STK40: variants seen among roughly 807,000 people sequenced by gnomAD.
STK40 encodes the protein serine/threonine-protein kinase 40.
In STK40, 13 loss-of-function variants were observed where a neutral mutation model predicts 47.9. The ratio of observed to expected loss-of-function variants is 0.27; its 90% CI spans 0.18 to 0.43. STK40 has a LOEUF of 0.43. Among genes scored for constraint, STK40 ranks in the 20% least tolerant of loss-of-function variants. STK40 has a pLI of 1.00. For synonymous variants in STK40, 225 were observed against 243.2 expected, an observed-to-expected ratio of 0.93 and a Z score of 0.69; for missense variants, 460 against 595.1, an observed-to-expected ratio of 0.77 and a Z score of 2.36.
chr1:36,347,563 G>T (rs530061431), intron 7 of STK40, among the ~76,000 whole-genome samples: 2 of 152,266 alleles, frequency 1.3e-5, no homozygotes, highest in East Asian at 1.9e-4. Flanking sequence ...GGGTAGCTGT[G>T]TGGTTTAAAC....
chr1:36,356,326 A>G (rs551775749), intron 4 of STK40, among the ~76,000 whole-genome samples: 1 of 152,094 alleles, frequency 6.6e-6, no homozygotes, highest in Admixed American at 6.5e-5. Flanking sequence ...TCATCTGACC[A>G]GCTTGAGGAA....
chr1:36,371,280 C>T (rs575199781), intron 1 of STK40, among the ~76,000 whole-genome samples: 5 of 151,194 alleles, frequency 3.3e-5, no homozygotes, highest in East Asian at 3.9e-4. Context: ...AAGGGCCGGG[C>T]GTGGTGGCTC....
intron 2 of STK40, 73 bp from the exon 3 acceptor site, chr1:36,358,895 T>A: frequency 6.4e-7 from 1 of 1,550,486 alleles, no homozygotes; most frequent in Non-Finnish European, 8.9e-7. Flanking sequence ...CCACGTGGTC[T>A]TTTACTAGAC....
chr1:36,371,723 C>T lies in STK40; in HGVS notation c.-8-10383G>A, dbSNP rs192091808. ...AAAAAAAAAAAAAAAGGACTGCGTG[C>T]GGTGGCTCAAACCTGTAATCCCAGC... On this transcript the variant is annotated intron_variant, in intron 1 of 10. Transcript: ENST00000373132. Among the ~76,000 whole-genome samples the T allele has an allele frequency of 1.1e-4, 14 of 130,606 alleles. No individual in the cohort carries two copies. The East Asian group carries it at 2.3e-3, about 22-fold the overall frequency. 85.7% of individuals were successfully genotyped at this position (130,606 alleles called of 152,430 possible).
intron 4 of STK40, among the ~76,000 whole-genome samples, chr1:36,356,778 C>T (rs565483826): frequency 2.0e-5 from 3 of 152,262 alleles, no homozygotes; most frequent in Non-Finnish European, 2.9e-5. Flanking sequence ...TTTCCTAGCA[C>T]AGTGTCTGGC....
intron 4 of STK40, among the ~76,000 whole-genome samples, chr1:36,356,836 T>C (rs1479766424): frequency 1.3e-5 from 2 of 152,116 alleles, no homozygotes; most frequent in Non-Finnish European, 2.9e-5. Context: ...GGTTCTCTCA[T>C]CCAAAATGAC....
chr1:36,342,228 A>C, intron 10 of STK40: 1 of 517,984 alleles, frequency 1.9e-6, no homozygotes, highest in Non-Finnish European at 3.5e-6. Flanking sequence ...TTCCTAACTC[A>C]CTGGCTGCGT....
intron 2 of STK40, among the ~76,000 whole-genome samples, chr1:36,360,597 G>A (rs1381522320): frequency 2.0e-5 from 3 of 151,912 alleles, no homozygotes; most frequent in East Asian, 3.9e-4. Flanking sequence ...ATGCAGTGGC[G>A]TGATCACGAC....
chr1:36,376,158 C>T (rs1289592074), intron 1 of STK40, among the ~76,000 whole-genome samples: 1 of 152,184 alleles, frequency 6.6e-6, no homozygotes, highest in African/African-American at 2.4e-5. Context: ...CAAGAGCAGG[C>T]GATCCCTTCA....
At chr1:36,383,174 C>T (rs1647055316) in intron 1 of STK40, among the ~76,000 whole-genome samples, 1 of 152,280 alleles carries the variant, frequency 6.6e-6, no homozygotes, top group Non-Finnish European at 1.5e-5. Flanking sequence ...GAACTCCTGA[C>T]CTCAGGTGAT....
At chr1:36,343,755 C>T (rs998843994) in intron 9 of STK40, 105 bp downstream of exon 9, 1 of 1,475,318 alleles carries the variant, frequency 6.8e-7, no homozygotes, top group Non-Finnish European at 9.0e-7. Flanking sequence ...AAATCTGACT[C>T]TAACTGGCAG....
chr1:36,352,203 C>G (rs912926957), intron 6 of STK40, among the ~76,000 whole-genome samples: 8 of 152,210 alleles, frequency 5.3e-5, no homozygotes, highest in Non-Finnish European at 1.2e-4. Context: ...GGCCACTCAA[C>G]ATGCAGCAGG....
chr1:36,367,761 TG>T, intron 1 of STK40: 1 of 973,758 alleles, frequency 1.0e-6, no homozygotes, highest in Non-Finnish European at 1.2e-6. Flanking sequence ...AGCTGAAGCC[TG>T]GCCAAGGCAT....
At chr1:36,356,232 G>A (rs1241280415) in intron 4 of STK40, among the ~76,000 whole-genome samples, 1 of 152,142 alleles carries the variant, frequency 6.6e-6, no homozygotes, top group Admixed American at 6.5e-5. Context: ...TGTTGTGGCT[G>A]CGAGATGGAC....
chr1:36,371,685 CAAAAAAAAAAAAAAAAA>C (rs57138983), intron 1 of STK40, among the ~76,000 whole-genome samples: 1 of 27,972 alleles, frequency 3.6e-5, no homozygotes, highest in African/African-American at 1.1e-4. Flanking sequence ...ACCCTGTCTC[CAAAAAAAAAAAAAAAAA>C]AAAAAAAAAA....
intron 1 of STK40, among the ~76,000 whole-genome samples, chr1:36,367,609 G>T (rs555892658): frequency 6.6e-6 from 1 of 152,320 alleles, no homozygotes; most frequent in African/African-American, 2.4e-5. Flanking sequence ...AGCTGGCAGG[G>T]ATAGCTCTAC....
chr1:36,348,999 C>T (rs1646728497), intron 6 of STK40, among the ~76,000 whole-genome samples, 184 bp from the exon 7 acceptor site: 1 of 152,220 alleles, frequency 6.6e-6, no homozygotes, highest in Non-Finnish European at 1.5e-5. Flanking sequence ...GAATCAGGCC[C>T]CAGACTTTTC....
chr1:36,358,985 T>C, intron 2 of STK40, 163 bp from the exon 3 acceptor site: 2 of 663,516 alleles, frequency 3.0e-6, no homozygotes, highest in Non-Finnish European at 2.5e-6. Flanking sequence ...TTTCAAGGTC[T>C]CCCCTCCAAA....
chr1:36,381,347 C>T (rs779919091), intron 1 of STK40, among the ~76,000 whole-genome samples: 3 of 152,222 alleles, frequency 2.0e-5, no homozygotes, highest in Non-Finnish European at 4.4e-5. Context: ...AGTCCCTTCA[C>T]ACTCTGGGCT....
Sources: allele counts gnomAD v4.1 joint callset (sites outside exome capture counted in the v4.1 genomes callset), GRCh38; gene constraint gnomAD v4.1.1; transcripts MANE v1.5; gene names NCBI Gene and HGNC (gene_info 2026-07-23, HGNC 2026-07-21).